The following DEUP1 variants were observed in gnomAD, a reference collection of about 807,000 sequenced individuals.
DEUP1 encodes coiled-coil domain containing 67.
In DEUP1, 82 loss-of-function variants were observed where a neutral mutation model predicts 87.4. The ratio of observed to expected loss-of-function variants is 0.94; its 90% confidence interval spans 0.78 to 1.13. The LOEUF (loss-of-function observed/expected upper bound fraction) is 1.13, where lower values mean the gene tolerates loss of function less well. DEUP1 is among the 50% of genes most tolerant of loss of function. The pLI is 0.00. For synonymous variants in DEUP1, 214 were observed against 222.7 expected (o/e 0.96, Z 0.35); for missense variants, 663 against 681.5 (o/e 0.97, Z 0.30).
At chr11:93,414,878 C>A (rs140784537) in intron 12 of DEUP1, 122 bp from the exon 13 acceptor site, 2 of 461,556 alleles carry the variant, frequency 4.3e-6, no homozygotes, top group Non-Finnish European at 7.7e-6. Context: ...ACCCAGGTAA[C>A]AAGCCCAAAC....
intron 12 of DEUP1, 82 bp from the exon 13 acceptor site, chr11:93,414,918 A>C (rs1423407020): frequency 5.7e-6 from 4 of 703,718 alleles, no homozygotes; most frequent in Non-Finnish European, 8.8e-6. Flanking sequence ...CTACTTGGAC[A>C]TCTGAGAGAT....
chr11:93,380,488 C>T (rs1344968069), intron 7 of DEUP1, among the ~76,000 whole-genome samples: 2 of 152,120 alleles, frequency 1.3e-5, no homozygotes, highest in African/African-American at 2.4e-5. Context: ...GCAAGCTCCA[C>T]CTCCCAGGTT....
intron 2 of DEUP1, among the ~76,000 whole-genome samples, chr11:93,353,789 A>AG (rs1944749906): frequency 6.6e-6 from 1 of 152,190 alleles, no homozygotes; most frequent in Non-Finnish European, 1.5e-5. Flanking sequence ...CAGTTGGAAC[A>AG]CAGGGCACCA....
chr11:93,418,254 A>G (rs1947718926), intron 13 of DEUP1, among the ~76,000 whole-genome samples: 1 of 152,068 alleles, frequency 6.6e-6, no homozygotes, highest in African/African-American at 2.4e-5. Flanking sequence ...AACCTACAAA[A>G]TGGGAGAAAA....
chr11:93,375,448 G>A (rs948865656), intron 7 of DEUP1, among the ~76,000 whole-genome samples: 1 of 151,980 alleles, frequency 6.6e-6, no homozygotes, highest in Non-Finnish European at 1.5e-5. Flanking sequence ...ATTACCTTAA[G>A]GTATGTCCTT....
intron 4 of DEUP1, among the ~76,000 whole-genome samples, chr11:93,359,839 A>G (rs1438065966): frequency 1.3e-5 from 2 of 152,224 alleles, no homozygotes; most frequent in South Asian, 2.1e-4. Context: ...TTCTGCCTTC[A>G]CTAAGCTGTA....
chr11:93,365,611 G>A (rs1306727093), intron 5 of DEUP1, among the ~76,000 whole-genome samples: 1 of 152,036 alleles, frequency 6.6e-6, no homozygotes, highest in Non-Finnish European at 1.5e-5. Flanking sequence ...TTAGTATCAA[G>A]TACTTTGTGT....
chr11:93,421,010 G>A lies in DEUP1; in HGVS notation c.1638+5896G>A, dbSNP rs1406894131. Among the ~76,000 whole-genome samples the A allele has an allele frequency of 5.4e-5, 2 of 37,166 alleles. 1 individual carries two copies. The highest frequency in any genetic ancestry group is 2.3e-4 in the African/African-American group (2 of 8,832). 24.4% of individuals were successfully genotyped at this position (37,166 alleles called of 152,430 possible). On this transcript the variant is annotated intron_variant, in intron 13 of 13. Transcript: ENST00000298050. ...CGGATGGCCGAATAGGAACAGCTCCGGTCTACAGCTCCCAGCGTGAGCGAC... is the reference window on the plus strand; with the variant it reads ...CGGATGGCCGAATAGGAACAGCTCCAGTCTACAGCTCCCAGCGTGAGCGAC...
intron 11 of DEUP1, among the ~76,000 whole-genome samples, chr11:93,397,106 G>A (rs150661036): frequency 1.3e-4 from 20 of 152,278 alleles, no homozygotes; most frequent in African/African-American, 4.6e-4. Flanking sequence ...GAAATGATAA[G>A]AGATGAATAT....
At chr11:93,355,164 T>TA (rs757620865) in intron 2 of DEUP1, among the ~76,000 whole-genome samples, 9 of 152,340 alleles carry the variant, frequency 5.9e-5, no homozygotes, top group Non-Finnish European at 1.0e-4. Context: ...AATGTTATTT[T>TA]AAAAAATTAA....
chr11:93,346,864 G>C (rs1163509688), intron 2 of DEUP1, among the ~76,000 whole-genome samples: 1 of 152,154 alleles, frequency 6.6e-6, no homozygotes, highest in Admixed American at 6.5e-5. Flanking sequence ...TGGTGTGTAG[G>C]AATGCTAGTG....
At chr11:93,399,732 G>A (rs1947059388) in intron 11 of DEUP1, among the ~76,000 whole-genome samples, 1 of 151,558 alleles carries the variant, frequency 6.6e-6, no homozygotes, top group Non-Finnish European at 1.5e-5. Flanking sequence ...TTTTACTAGA[G>A]GTTTCTTAGG....
intron 13 of DEUP1, among the ~76,000 whole-genome samples, chr11:93,418,687 T>C (rs1239020421): frequency 1.3e-5 from 2 of 152,026 alleles, no homozygotes; most frequent in Non-Finnish European, 2.9e-5. Flanking sequence ...CCTGGGTATA[T>C]ACCCAAAGGA....
intron 12 of DEUP1, among the ~76,000 whole-genome samples, chr11:93,413,155 T>C (rs1372718255): frequency 6.6e-6 from 1 of 152,162 alleles, no homozygotes; most frequent in Non-Finnish European, 1.5e-5. Context: ...TGAAAAGGGC[T>C]AATCAATACC....
chr11:93,350,130 C>T (rs562590038), intron 2 of DEUP1, among the ~76,000 whole-genome samples: 65 of 152,308 alleles, frequency 4.3e-4, no homozygotes, highest in African/African-American at 1.5e-3. Context: ...GGGACAATTG[C>T]TGCAGATTTT....
chr11:93,342,767 G>A (rs771079778), intron 2 of DEUP1, among the ~76,000 whole-genome samples: 1 of 152,198 alleles, frequency 6.6e-6, no homozygotes, highest in Admixed American at 6.5e-5. Context: ...GGCTGACTCG[G>A]ACCAAGGTTT....
At chr11:93,395,940 A>G (rs971165515) in intron 10 of DEUP1, among the ~76,000 whole-genome samples, 1 of 152,178 alleles carries the variant, frequency 6.6e-6, no homozygotes, top group Non-Finnish European at 1.5e-5. Flanking sequence ...TCTGGTGACA[A>G]TTTGCATACA....
Position 93,385,482 on chromosome 11 carries a change from C to T in DEUP1, c.874C>T (p.Gln292Ter). 6.2e-7 allele frequency: 1 copy of T among 1,611,078 alleles called. No individual in the cohort carries two copies. The highest frequency in any genetic ancestry group is 8.5e-7 in the Non-Finnish European group (1 of 1,178,218). Residue 292 changes from glutamine to a stop codon, truncating the protein, a stop_gained, in exon 8 of 14, where the codon CAA becomes TAA. Transcript: ENST00000298050. LOFTEE classifies it high-confidence loss of function. ...LLRIIEMERL[Q>*]LHRELLKIGE... The stretch of plus-strand genomic sequence containing the variant: ...GAGAATTATAGAAATGGAACGATTG[C>T]AATTACACAGAGAATTATTAAAAAT...
intron 12 of DEUP1, among the ~76,000 whole-genome samples, chr11:93,408,931 A>T (rs1947357359): frequency 6.7e-6 from 1 of 149,726 alleles, no homozygotes; most frequent in Non-Finnish European, 1.5e-5. Flanking sequence ...ATCTCGGCTC[A>T]CTCCAACCTC....
Sources: gnomAD v4.1 joint callset for allele counts (sites outside exome capture counted in the v4.1 genomes callset) on GRCh38, gnomAD v4.1.1 for gene constraint, MANE v1.5 for transcripts, NCBI Gene and HGNC (gene_info 2026-07-23, HGNC 2026-07-21) for gene names.